The following SLC2A9 variants were observed in gnomAD, a reference collection of about 807,000 sequenced individuals.
The protein encoded by SLC2A9 is solute carrier family 2, facilitated glucose transporter member 9.
SLC2A9 carries 39 observed loss-of-function variants against 50.6 expected under a neutral mutation model. That is an observed-to-expected ratio of 0.77 (90% CI 0.60 to 1.01). The LOEUF (loss-of-function observed/expected upper bound fraction) is 1.01, where lower values mean the gene tolerates loss of function less well. SLC2A9 is among the 50% of genes least tolerant of loss of function. SLC2A9 has a pLI of 0.00. For synonymous variants in SLC2A9, 324 were observed against 276.9 expected (o/e 1.17, Z -1.69); for missense variants, 686 against 677.6 (o/e 1.01, Z -0.14).
At chr4:9,880,673 A>G (rs1416818731) in intron 10 of SLC2A9, 1 of 489,442 alleles carries the variant, frequency 2.0e-6, no homozygotes, top group South Asian at 8.8e-5. Flanking sequence ...CTTTTCACTC[A>G]GATACAATGC....
intron 1 of SLC2A9, among the ~76,000 whole-genome samples, chr4:10,032,810 T>G (rs1763977437): frequency 6.6e-6 from 1 of 152,182 alleles, no homozygotes; most frequent in Non-Finnish European, 1.5e-5. Flanking sequence ...GGAAGTATCT[T>G]GTGGGAAGGT....
intron 3 of SLC2A9, among the ~76,000 whole-genome samples, chr4:9,801,008 T>C (rs990454867): frequency 5.9e-5 from 9 of 152,134 alleles, no homozygotes; most frequent in African/African-American, 2.2e-4. Flanking sequence ...GCAGCTACCA[T>C]GACACCAGCA....
chr4:9,996,856 A>G lies in SLC2A9; in HGVS notation c.335T>C (p.Val112Ala). ...ACCGATGGCGAATATGGACACAGTC[A>G]CAGACCAGAGCAAAGTCAGAGTGTC... ...DPDTLTLLWS[V>A]TVSIFAIGGL... is the part of the protein sequence containing the mutation. The change falls in exon 3 of 12, where the codon GTG becomes GCG. Residue 112 changes from valine (V) to alanine (A), a missense_variant. Val to Ala is a moderately conservative substitution (Grantham distance 64). Coordinates refer to ENST00000264784, the MANE Select transcript of SLC2A9 (RefSeq NM_020041.3). 2 of 1,614,254 alleles carry G rather than the reference A, an allele frequency of 1.2e-6. No individual in the cohort carries two copies. The highest frequency in any genetic ancestry group is 1.7e-6 in the Non-Finnish European group (2 of 1,180,030).
In SLC2A9 at chr4:10,021,334, T is replaced by C; in HGVS notation, c.96A>G (p.Ala32=). The stretch of plus-strand genomic sequence containing the variant: ...TCCTCAGGTGGTCACACTCCAGCAG[T>C]GCCCTCCCTGGCCCTGGAGGCCCGG... ...SHAGPPGPGR[A]LLECDHLRSG... Residue 32 remains alanine (A), a synonymous_variant, in exon 1 of 12, where the codon GCA becomes GCG. Coordinates refer to ENST00000264784, the MANE Select transcript of SLC2A9 (RefSeq NM_020041.3). 6.2e-7 allele frequency: 1 copy of C among 1,614,190 alleles called. No individual in the cohort carries two copies. Among genetic ancestry groups the C allele is most frequent in the Non-Finnish European group, 8.5e-7 (1 of 1,180,044 alleles).
chr4:9,876,197 A>T (rs909059964), intron 10 of SLC2A9, among the ~76,000 whole-genome samples: 3 of 152,050 alleles, frequency 2.0e-5, no homozygotes, highest in Non-Finnish European at 2.9e-5. Flanking sequence ...AAATTAGTTT[A>T]CCCCTGAGGT....
intron 5 of SLC2A9, among the ~76,000 whole-genome samples, chr4:9,980,051 T>C (rs1186564640): frequency 1.3e-5 from 2 of 151,838 alleles, no homozygotes; most frequent in Admixed American, 1.3e-4. Context: ...TTCTCCCTGC[T>C]AAGGCCACAC....
At chr4:9,938,740 T>G (rs1455696682) in intron 6 of SLC2A9, among the ~76,000 whole-genome samples, 1 of 152,242 alleles carries the variant, frequency 6.6e-6, no homozygotes, top group African/African-American at 2.4e-5. Flanking sequence ...TTAGGCAAGC[T>G]ACTCAGCCTC....
chr4:9,783,740 A>C lies in SLC2A9; in HGVS notation n.386-3675T>G, dbSNP rs573510948. ...ATGGTGCTGGGTCCTTAAAAAAAAAAATGATACTTGGTCCTTAAAAAATAT... is the reference window on the plus strand; with the variant it reads ...ATGGTGCTGGGTCCTTAAAAAAAAACATGATACTTGGTCCTTAAAAAATAT... On this transcript the variant is annotated intron_variant and non_coding_transcript_variant, in intron 3 of 3. Transcript: ENST00000503803. 7.1e-5 allele frequency: 24 copies of C among 339,106 alleles called. No homozygotes were observed. The Admixed American group carries it at 9.4e-4, about 13-fold the overall frequency. The allele number at this position is 339,106 out of a possible 1,614,324, so 21.0% of individuals were successfully genotyped here.
intron 3 of SLC2A9, among the ~76,000 whole-genome samples, chr4:9,820,293 G>A (rs1479529060): frequency 6.6e-6 from 1 of 152,168 alleles, no homozygotes; most frequent in Non-Finnish European, 1.5e-5. Context: ...ATTTCTGGAT[G>A]CTCCATTTTA....
intron 10 of SLC2A9, among the ~76,000 whole-genome samples, chr4:9,853,467 T>C (rs1472457025): frequency 1.3e-5 from 2 of 152,316 alleles, no homozygotes; most frequent in East Asian, 1.9e-4. Flanking sequence ...GCTAGATATA[T>C]ATGTACCCAA....
At chr4:9,782,177 C>G in intron 3 of SLC2A9, 1 of 1,601,374 alleles carries the variant, frequency 6.2e-7, no homozygotes, top group East Asian at 2.2e-5. Flanking sequence ...GCTGACCCTA[C>G]TCATCATCTG....
intron 5 of SLC2A9, among the ~76,000 whole-genome samples, chr4:9,942,767 G>A (rs184620604): frequency 2.0e-3 from 303 of 152,302 alleles, no homozygotes; most frequent in African/African-American, 6.8e-3. Flanking sequence ...GGTAGTATTC[G>A]TCCTAACCTG....
chr4:9,820,892 T>C (rs1724304983), intron 3 of SLC2A9, among the ~76,000 whole-genome samples: 1 of 152,236 alleles, frequency 6.6e-6, no homozygotes, highest in Admixed American at 6.5e-5. Context: ...TTTTAATGTT[T>C]TGCTTTTCAA....
At chr4:10,033,829 G>C (rs1764012852) in intron 1 of SLC2A9, among the ~76,000 whole-genome samples, 1 of 152,152 alleles carries the variant, frequency 6.6e-6, no homozygotes, top group Non-Finnish European at 1.5e-5. Context: ...CGAAATCCAG[G>C]GCGAGGGCCA....
intron 10 of SLC2A9, among the ~76,000 whole-genome samples, chr4:9,865,764 C>T (rs1328901715): frequency 1.3e-5 from 2 of 152,174 alleles, no homozygotes; most frequent in African/African-American, 4.8e-5. Context: ...CCACCCTTTC[C>T]AGGACATAAA....
intron 3 of SLC2A9, among the ~76,000 whole-genome samples, chr4:9,793,075 T>C (rs1478492994): frequency 1.3e-5 from 2 of 152,116 alleles, no homozygotes; most frequent in African/African-American, 2.4e-5. Flanking sequence ...GGTTTCTCCA[T>C]GTTGGTCATT....
intron 4 of SLC2A9, among the ~76,000 whole-genome samples, chr4:9,981,227 G>GGTGGTGCTGGTGATGGTA (rs1299139326): frequency 6.6e-6 from 1 of 152,070 alleles, no homozygotes; most frequent in Non-Finnish European, 1.5e-5. Context: ...TGGTGGTGGT[G>GGTGGTGCTGGTGATGGTA]ATGACTGTGA....
At chr4:9,973,636 T>C (rs1754281669) in intron 5 of SLC2A9, among the ~76,000 whole-genome samples, 2 of 141,550 alleles carry the variant, frequency 1.4e-5, no homozygotes, top group South Asian at 4.4e-4. Context: ...CCGCATGTTC[T>C]CACTCATAGG....
chr4:9,875,753 ACTT>A (rs1734218808), intron 10 of SLC2A9, among the ~76,000 whole-genome samples: 1 of 152,044 alleles, frequency 6.6e-6, no homozygotes, highest in African/African-American at 2.4e-5. Context: ...GCCAATGACT[ACTT>A]CTTCCTCTTC....
Sources: gnomAD v4.1 joint callset for allele counts (sites outside exome capture counted in the v4.1 genomes callset) on GRCh38, gnomAD v4.1.1 for gene constraint, MANE v1.5 for transcripts, NCBI Gene and HGNC (gene_info 2026-07-23, HGNC 2026-07-21) for gene names.